Variants in SEMA6D observed in about 807,000 individuals in gnomAD.
SEMA6D encodes the protein semaphorin-6D.
In SEMA6D, 35 loss-of-function variants were observed where a neutral mutation model predicts 106.6. That is an observed-to-expected ratio of 0.33 (90% confidence interval 0.25 to 0.44). The LOEUF is 0.44. Ranked by LOEUF, SEMA6D falls within the 20% of genes least tolerant of loss-of-function variation. SEMA6D has a pLI of 1.00. For synonymous variants in SEMA6D, 499 were observed against 487.7 expected, an observed-to-expected ratio of 1.02 and a Z score of -0.31; for missense variants, 1,185 against 1,345.9, an observed-to-expected ratio of 0.88 and a Z score of 1.87.
At chr15:47,623,853 C>T (rs1030450471) in intron 4 of SEMA6D, among the ~76,000 whole-genome samples, 19 of 152,164 alleles carry the variant, frequency 1.2e-4, no homozygotes. Context: ...ATCTTGCCCT[C>T]TCTATAATCC....
At chr15:47,559,173 GC>G (rs1222374572) in intron 3 of SEMA6D, among the ~76,000 whole-genome samples, 3 of 152,028 alleles carry the variant, frequency 2.0e-5, no homozygotes, top group Middle Eastern at 6.3e-3. Flanking sequence ...AAGAGTCAAT[GC>G]CCAATGCTGA....
chr15:47,678,076 C>A (rs1244091251), intron 4 of SEMA6D, among the ~76,000 whole-genome samples: 1 of 152,072 alleles, frequency 6.6e-6, no homozygotes, highest in Non-Finnish European at 1.5e-5. Flanking sequence ...ATTCACTAGC[C>A]TAAGGTTTTA....
intron 1 of SEMA6D, among the ~76,000 whole-genome samples, chr15:47,387,594 T>G (rs935562119): frequency 6.6e-6 from 1 of 152,256 alleles, no homozygotes; most frequent in Admixed American, 6.5e-5. Flanking sequence ...CATTTATTTC[T>G]TCTAATTATA....
intron 2 of SEMA6D, among the ~76,000 whole-genome samples, chr15:47,462,464 G>GT (rs201739080): frequency 8.6e-5 from 13 of 151,146 alleles, no homozygotes; most frequent in South Asian, 8.4e-4. Context: ...AACTATATAG[G>GT]TTTTTTTTTA....
At chr15:47,552,843 A>AATATATATATTTTAT (rs1249472818) in intron 3 of SEMA6D, among the ~76,000 whole-genome samples, 1 of 79,098 alleles carries the variant, frequency 1.3e-5, no homozygotes, top group African/African-American at 7.3e-5. Flanking sequence ...TATATATATA[A>AATATATATATTTTAT]ATATATATAA....
At chr15:47,281,493 CTG>C (rs1464170099) in intron 1 of SEMA6D, among the ~76,000 whole-genome samples, 1 of 150,714 alleles carries the variant, frequency 6.6e-6, no homozygotes, top group Middle Eastern at 3.4e-3. Context: ...ATTTGCCAGT[CTG>C]TGTCTTTTAA....
In SEMA6D at chr15:47,347,109, T is replaced by C. The variant is rs149126282; in HGVS notation, c.-238-65284T>C. Among the ~76,000 whole-genome samples the C allele has an allele frequency of 5.6e-4, 86 of 152,258 alleles. 2 individuals are homozygous for C. The East Asian group carries it at 0.013, about 23-fold the overall frequency. ...TTTTTGTAGAAATGGGGTTTCACCA[T>C]GTTGGCCAGGCTGGTCTTGAATTCC... is the stretch of plus-strand genomic sequence containing the variant. On this transcript the variant is annotated intron_variant, in intron 1 of 19. Transcript: ENST00000558014.
chr15:47,369,161 G>A (rs556462161), intron 1 of SEMA6D, among the ~76,000 whole-genome samples: 76 of 152,196 alleles, frequency 5.0e-4, no homozygotes, highest in Admixed American at 1.4e-3. Flanking sequence ...GTGGCTTCTG[G>A]AGTGCTGGTC....
At chr15:47,704,459 C>T (rs2145960279) in intron 4 of SEMA6D, among the ~76,000 whole-genome samples, 1 of 152,342 alleles carries the variant, frequency 6.6e-6, no homozygotes, top group East Asian at 1.9e-4. Flanking sequence ...CAGCTCACGC[C>T]TGTAATCCCA....
chr15:47,715,780 AT>A (rs935500561), upstream of SEMA6D, among the ~76,000 whole-genome samples: 4 of 152,014 alleles, frequency 2.6e-5, no homozygotes, highest in African/African-American at 9.7e-5. Context: ...CCAGAATTTA[AT>A]TTTTTTTCCC....
chr15:47,683,167 G>A (rs554492062), intron 4 of SEMA6D, among the ~76,000 whole-genome samples: 21 of 152,182 alleles, frequency 1.4e-4, no homozygotes, highest in African/African-American at 4.3e-4. Flanking sequence ...CTTGAAGAGC[G>A]AACATTATAC....
chr15:47,563,256 A>T (rs554651115), intron 3 of SEMA6D, among the ~76,000 whole-genome samples: 1 of 152,202 alleles, frequency 6.6e-6, no homozygotes, highest in Non-Finnish European at 1.5e-5. Flanking sequence ...TCTGGATTGT[A>T]ATGACTGTTG....
intron 4 of SEMA6D, among the ~76,000 whole-genome samples, chr15:47,695,127 C>A (rs1912642): frequency 0.37 from 55,945 of 151,960 alleles, 11,473 homozygotes; most frequent in Middle Eastern, 0.5. Flanking sequence ...GTTGGTGGGC[C>A]CACTTAATGA....
intron 2 of SEMA6D, among the ~76,000 whole-genome samples, chr15:47,419,077 A>T (rs771025630): frequency 1.3e-5 from 2 of 152,278 alleles, no homozygotes; most frequent in East Asian, 3.9e-4. Flanking sequence ...AGAGGATTTC[A>T]TGAGAGAGCT....
intron 1 of SEMA6D, chr15:47,399,449 C>T (rs2145958201): frequency 6.6e-6 from 1 of 152,384 alleles, no homozygotes; most frequent in Admixed American, 6.5e-5. Context: ...CTGAACCCAT[C>T]TCTTCCAAAA....
chr15:47,400,282 G>A (rs534207372), intron 1 of SEMA6D, among the ~76,000 whole-genome samples: 19 of 152,190 alleles, frequency 1.2e-4, no homozygotes, highest in Admixed American at 7.2e-4. Flanking sequence ...CTGAGGCCAG[G>A]AGTTCAAGAC....
intron 1 of SEMA6D, among the ~76,000 whole-genome samples, chr15:47,276,002 T>C (rs1293679095): frequency 6.6e-6 from 1 of 152,140 alleles, no homozygotes; most frequent in African/African-American, 2.4e-5. Context: ...GTGGTCTAGA[T>C]AGAAGTTCAA....
At chr15:47,468,274 C>T (rs189417341) in intron 2 of SEMA6D, among the ~76,000 whole-genome samples, 1 of 152,204 alleles carries the variant, frequency 6.6e-6, no homozygotes, top group Non-Finnish European at 1.5e-5. Context: ...GGCATTTTCT[C>T]ATGATAGCAG....
intron 4 of SEMA6D, among the ~76,000 whole-genome samples, chr15:47,679,632 C>T (rs2078311496): frequency 6.6e-6 from 1 of 152,138 alleles, no homozygotes; most frequent in South Asian, 2.1e-4. Context: ...TACAATTTCA[C>T]TGTTCCCCAA....
Sources: allele counts gnomAD v4.1 joint callset (sites outside exome capture counted in the v4.1 genomes callset), GRCh38; gene constraint gnomAD v4.1.1; transcripts MANE v1.5; gene names NCBI Gene and HGNC (gene_info 2026-07-23, HGNC 2026-07-21).